The following PDE6B variants were observed in gnomAD, a reference collection of about 807,000 sequenced individuals.
PDE6B encodes rod cGMP-specific 3',5'-cyclic phosphodiesterase subunit beta.
In PDE6B, 106 loss-of-function variants were observed where a neutral mutation model predicts 109.0. That is an observed-to-expected ratio of 0.97 (90% CI 0.83 to 1.14). The LOEUF is 1.14. PDE6B is among the 50% of genes most tolerant of loss of function. The pLI is 0.00. For synonymous variants in PDE6B, 490 were observed against 471.3 expected (o/e 1.04, Z -0.51); for missense variants, 1,193 against 1,155.6 (o/e 1.03, Z -0.47).
At chr4:635,355 CTG>C (rs1734620121) in intron 2 of PDE6B, among the ~76,000 whole-genome samples, 1 of 131,240 alleles carries the variant, frequency 7.6e-6, no homozygotes, top group African/African-American at 3.2e-5. Context: ...GCCTGCCTGC[CTG>C]CCCGCGTGTT....
At chr4:635,256 T>TGCCC (rs1734607354) in intron 2 of PDE6B, among the ~76,000 whole-genome samples, 1 of 104,104 alleles carries the variant, frequency 9.6e-6, no homozygotes, top group African/African-American at 4.0e-5. Flanking sequence ...CCCGCCTGCC[T>TGCCC]GCGTGTTCTG....
chr4:661,399 T>A (rs972094013), intron 12 of PDE6B: 2 of 152,494 alleles, frequency 1.3e-5, no homozygotes, highest in African/African-American at 2.4e-5. Flanking sequence ...GGAGGCGGGA[T>A]GGCTTTCCCA....
rs1351485869 is a variant in PDE6B, at chr4:665,450, T to C, written c.2268+121T>C. 4 of 730,852 alleles carry C rather than the reference T, an allele frequency of 5.5e-6. No individual in the cohort carries two copies. Among genetic ancestry groups the C allele is most frequent in the Admixed American group, 4.0e-5 (2 of 50,034 alleles). 45.3% of individuals were successfully genotyped at this position (730,852 alleles called of 1,614,324 possible). ...GGGGGTTCTGAGGTCGTGGGGTCCTTATCTCACTTTGTGGGATCATGTGAC... is the reference window on the plus strand; with the variant it reads ...GGGGGTTCTGAGGTCGTGGGGTCCTCATCTCACTTTGTGGGATCATGTGAC... On this transcript the variant is annotated intron_variant, in intron 19 of 21. Transcript: ENST00000496514. The surrounding 1 kb of genome is among the most constrained non-coding windows in gnomAD (Gnocchi z 4.0).
Position 636,624 on chromosome 4 carries a change from TG to T in PDE6B, c.711+660del, listed in dbSNP as rs1319747581. ...CTGGGAAGCCGTCCATGCAATGGCC[TG>T]GGGGCTGAGCCACAAAGGAGAACTG... On this transcript the variant is annotated intron_variant, in intron 3 of 21. Transcript: ENST00000496514. The surrounding 1 kb of genome is among the most constrained non-coding windows in gnomAD (Gnocchi z 4.5). Among the ~76,000 whole-genome samples, 3 of 152,110 alleles carry T rather than the reference TG, an allele frequency of 2.0e-5. No homozygotes were observed. Among genetic ancestry groups the T allele is most frequent in the African/African-American group, 7.2e-5 (3 of 41,430 alleles).
Position 663,689 on chromosome 4 carries a change from C to A in PDE6B, c.1921-81C>A. On this transcript the variant is annotated intron_variant, in intron 15 of 21. Coordinates refer to ENST00000496514, the MANE Select transcript of PDE6B (RefSeq NM_000283.4). The surrounding 1 kb of genome is among the most constrained non-coding windows in gnomAD (Gnocchi z 4.0). ...GCGGGGGCGTGAGAGGCACAGGCAG[C>A]CGAGGCGGAAGGGGCGGGGTCCCCG... is the stretch of plus-strand genomic sequence containing the variant. The A allele has an allele frequency of 9.8e-7, 1 of 1,023,264 alleles. No homozygotes were observed. The highest frequency in any genetic ancestry group is 1.5e-6 in the Non-Finnish European group (1 of 655,466). 63.4% of individuals were successfully genotyped at this position (1,023,264 alleles called of 1,614,324 possible).
Position 662,593 on chromosome 4 carries a change from G to A in PDE6B, c.1807G>A (p.Gly603Ser), listed in dbSNP as rs758617342. 5.0e-6 allele frequency: 8 copies of A among 1,611,442 alleles called. No individual in the cohort carries two copies. Among genetic ancestry groups the A allele is most frequent in the Admixed American group, 1.7e-5 (1 of 60,024 alleles). Reference protein sequence around the residue: ...AGLCHDIDHRGTNNLYQMKSQ... With the variant: ...AGLCHDIDHRSTNNLYQMKSQ... ...CCTGTGCCATGACATCGACCACCGC[G>A]GCACCAACAACCTGTACCAGATGAA... Residue 603 changes from glycine (G) to serine (S), a missense_variant, in exon 14 of 22, where the codon GGC (glycine) becomes AGC (serine). Gly to Ser is a moderately conservative substitution (Grantham distance 56). Transcript: ENST00000496514. This position sits in a 1 kb window ranked among gnomAD's most constrained non-coding sequence, Gnocchi z 4.3.
At chr4:658,752 C>A (rs1035598637) in intron 10 of PDE6B, among the ~76,000 whole-genome samples, 200 bp from the exon 11 acceptor site, 5 of 152,108 alleles carry the variant, frequency 3.3e-5, no homozygotes, top group African/African-American at 1.2e-4. Flanking sequence ...AGGCAGTGCC[C>A]GAGAGAGGAC....
chr4:653,809 G>T (rs576103378), intron 3 of PDE6B, 43 bp from the exon 4 acceptor site: 10 of 1,610,490 alleles, frequency 6.2e-6, no homozygotes, highest in Non-Finnish European at 8.5e-6. Context: ...CCGGCGTGAG[G>T]GTGGGAGTGG....
At position 662,851 on chromosome 4, in the gene PDE6B, A is replaced by C. The variant is rs1560133451; in HGVS notation, c.1832+233A>C. Among the ~76,000 whole-genome samples, 1 of 151,540 alleles carries C rather than the reference A, an allele frequency of 6.6e-6. No homozygotes were observed. The highest frequency in any genetic ancestry group is 6.6e-5 in the Admixed American group (1 of 15,232). On this transcript the variant is annotated intron_variant, in intron 14 of 21. Transcript: ENST00000496514. The surrounding 1 kb of genome is among the most constrained non-coding windows in gnomAD (Gnocchi z 4.3). ...CAAAAACTTAAAAAAAAAAAAAAAA[A>C]AAAAAGCTGTGTATGGTGGCGCACA...
intron 11 of PDE6B, among the ~76,000 whole-genome samples, chr4:659,760 TA>T (rs1203647963): frequency 6.8e-6 from 1 of 147,268 alleles, no homozygotes. Flanking sequence ...AGGGGGTGTG[TA>T]TTGTGTGTGC....
chr4:635,187 A>G (rs1448243770), intron 2 of PDE6B, among the ~76,000 whole-genome samples: 4 of 65,468 alleles, frequency 6.1e-5, no homozygotes, highest in Admixed American at 1.9e-4. Flanking sequence ...CCACCTCCTT[A>G]CCTGCCTGCC....
chr4:635,799 T>C, intron 2 of PDE6B, 81 bp from the exon 3 acceptor site: 1 of 800,682 alleles, frequency 1.2e-6, no homozygotes, highest in South Asian at 1.4e-5. Flanking sequence ...CAGGCGAGCA[T>C]GTTTCTCCTG....
chr4:663,985 C>T lies in PDE6B; in HGVS notation c.2021+115C>T. On this transcript the variant is annotated intron_variant, in intron 16 of 21. Coordinates refer to ENST00000496514, the MANE Select transcript of PDE6B (RefSeq NM_000283.4). The surrounding 1 kb of genome is among the most constrained non-coding windows in gnomAD (Gnocchi z 4.0). ...CGGGGGACGCAGCCCCGGATTCCGTCCCTGCCCGCCGGCCCCGCGCACCCC... is the reference window on the plus strand; with the variant it reads ...CGGGGGACGCAGCCCCGGATTCCGTTCCTGCCCGCCGGCCCCGCGCACCCC... The T allele has an allele frequency of 9.1e-7, 1 of 1,102,622 alleles. No individual in the cohort carries two copies. The highest frequency in any genetic ancestry group is 1.3e-5 in the South Asian group (1 of 77,974). The allele number at this position is 1,102,622 out of a possible 1,614,324, so 68.3% of individuals were successfully genotyped here.
At chr4:638,947 G>A (rs979218774) in intron 3 of PDE6B, among the ~76,000 whole-genome samples, 2 of 152,268 alleles carry the variant, frequency 1.3e-5, no homozygotes, top group Admixed American at 6.5e-5. Flanking sequence ...CCTGGCCATC[G>A]CTCTGGCACA....
At chr4:657,640 G>A in intron 10 of PDE6B, 146 bp downstream of exon 10, 1 of 787,246 alleles carries the variant, frequency 1.3e-6, no homozygotes, top group South Asian at 1.6e-5. Context: ...CTGTGCGGTG[G>A]GGGCAGGTCG....
In PDE6B at chr4:660,460, C is replaced by T. The variant is rs1403313966; in HGVS notation, c.1468-7C>T. 1 of 1,613,620 alleles carries T rather than the reference C, an allele frequency of 6.2e-7. No homozygotes were observed. The highest frequency in any genetic ancestry group is 1.3e-5 in the African/African-American group (1 of 74,924). On this transcript the variant is annotated splice_polypyrimidine_tract_variant and splice_region_variant and intron_variant, in intron 11 of 21. Coordinates refer to ENST00000496514, the MANE Select transcript of PDE6B (RefSeq NM_000283.4). Reference sequence around the variant, plus strand: ...CAACCTCCCTCAGCCCACAATCCCTCCCACAGAAGGAGGAGCTGCCAGGGC... The same window carrying T: ...CAACCTCCCTCAGCCCACAATCCCTTCCACAGAAGGAGGAGCTGCCAGGGC...
intron 17 of PDE6B, 141 bp from the exon 18 acceptor site, chr4:664,740 A>G (rs1040308403): frequency 1.4e-4 from 110 of 763,752 alleles, no homozygotes; most frequent in Non-Finnish European, 2.3e-4. Flanking sequence ...CGGGAGGCGG[A>G]GGTTGCAGTG....
intron 12 of PDE6B, among the ~76,000 whole-genome samples, chr4:660,860 G>C (rs1312458964): frequency 2.0e-5 from 3 of 151,954 alleles, no homozygotes; most frequent in African/African-American, 7.3e-5. Flanking sequence ...GGCTGGATGG[G>C]TGAAAAGCAG....
chr4:642,887 ACAT>A (rs1735015208), intron 3 of PDE6B, among the ~76,000 whole-genome samples: 1 of 152,152 alleles, frequency 6.6e-6, no homozygotes, highest in African/African-American at 2.4e-5. Context: ...TTGATTGATA[ACAT>A]CATGTATTTT....
Sources: allele counts gnomAD v4.1 joint callset (sites outside exome capture counted in the v4.1 genomes callset), GRCh38; gene constraint gnomAD v4.1.1; non-coding constraint Gnocchi (gnomAD v3.1); transcripts MANE v1.5; gene names NCBI Gene and HGNC (gene_info 2026-07-23, HGNC 2026-07-21).